The following ITSN1 variants were observed in gnomAD, a reference collection of about 807,000 sequenced individuals.
ITSN1 encodes intersectin 1.
In ITSN1, 58 loss-of-function variants were observed where a neutral mutation model predicts 239.8. The observed-to-expected ratio is 0.24, with a 90% confidence interval of 0.20 to 0.30. The LOEUF is 0.30. Among genes scored for constraint, ITSN1 ranks in the 10% least tolerant of loss-of-function variants. ITSN1 has a pLI of 1.00. For missense variants in ITSN1, 1,558 were observed against 2,103.3 expected (o/e 0.74, Z 5.07); for synonymous variants, 780 against 770.8 (o/e 1.01, Z -0.20).
Position 33,797,788 on chromosome 21 carries a change from C to T in ITSN1, c.2182+180C>T, listed in dbSNP as rs895868022. 1.3e-5 allele frequency among the ~76,000 whole-genome samples: 2 copies of T among 152,306 alleles called. No homozygotes were observed. The highest frequency in any genetic ancestry group is 2.1e-4 in the South Asian group (1 of 4,824). ...AGGGTCATTTGAGATCTGTGTAATT[C>T]TCCCACCACCATGCCAGCCTCTGGC... is the stretch of plus-strand genomic sequence containing the variant. On this transcript the variant is annotated intron_variant, in intron 18 of 39. Transcript: ENST00000381318. The surrounding 1 kb of genome is among the most constrained non-coding windows in gnomAD (Gnocchi z 4.9).
chr21:33,799,178 AT>A lies in ITSN1; in HGVS notation c.2183-626del, dbSNP rs1328580089. On this transcript the variant is annotated intron_variant, in intron 18 of 39. Coordinates refer to ENST00000381318, the MANE Select transcript of ITSN1 (RefSeq NM_003024.3). Reference sequence around the variant, plus strand: ...CCTCCGCTCATGTGCATTTTTAAACATTTTATTTCATGTAAAATCTAAATTA... The same window carrying A: ...CCTCCGCTCATGTGCATTTTTAAACATTTATTTCATGTAAAATCTAAATTA... Among the ~76,000 whole-genome samples, 4 of 152,200 alleles carry A rather than the reference AT, an allele frequency of 2.6e-5. No individual in the cohort carries two copies. In the East Asian group the frequency reaches 7.7e-4, roughly 29 times the overall value.
In ITSN1 at chr21:33,858,759, A is replaced by T; in HGVS notation, c.3857A>T (p.Lys1286Met). The change falls in exon 31 of 40, where the codon AAG becomes ATG. Residue 1286 changes from lysine (K) to methionine (M), a missense_variant. By Grantham distance (95) the Lys-to-Met change is moderately conservative. Around this residue, in one of 2 missense-constraint regions of ITSN1, gnomAD observed 576 missense variants for 893.3 expected, o/e 0.64. Coordinates refer to ENST00000381318, the MANE Select transcript of ITSN1 (RefSeq NM_003024.3). ...GTTGCTATGATTTTTGTGAACTGGA[A>T]GGAGCTGATTATGTGTAATATCAAA... ...KEVAMIFVNW[K>M]ELIMCNIKLL... The T allele has an allele frequency of 6.2e-7, 1 of 1,613,388 alleles. No individual in the cohort carries two copies. Among genetic ancestry groups the T allele is most frequent in the Non-Finnish European group, 8.5e-7 (1 of 1,179,328 alleles).
intron 1 of ITSN1, among the ~76,000 whole-genome samples, chr21:33,685,564 G>A (rs1446927416): frequency 1.3e-5 from 2 of 148,458 alleles, no homozygotes; most frequent in South Asian, 2.1e-4. Flanking sequence ...AAAACACTTA[G>A]AGGTGATCCT....
chr21:33,756,237 A>G (rs2067901999), intron 8 of ITSN1, among the ~76,000 whole-genome samples: 2 of 150,810 alleles, frequency 1.3e-5, no homozygotes, highest in South Asian at 4.2e-4. Flanking sequence ...GCAGTGAGTC[A>G]AGATCATGCC....
chr21:33,697,196 C>A (rs2091831625), intron 1 of ITSN1, among the ~76,000 whole-genome samples: 1 of 150,256 alleles, frequency 6.7e-6, no homozygotes, highest in African/African-American at 2.5e-5. Flanking sequence ...GATTCTCCTG[C>A]CTCAGCCTCC....
chr21:33,650,201 T>G (rs2088383291), intron 1 of ITSN1, among the ~76,000 whole-genome samples: 1 of 152,194 alleles, frequency 6.6e-6, no homozygotes, highest in African/African-American at 2.4e-5. Flanking sequence ...CTCCTTGCAT[T>G]ATGTCTGCAA....
At chr21:33,699,186 C>T (rs911858328) in intron 1 of ITSN1, among the ~76,000 whole-genome samples, 19 of 151,996 alleles carry the variant, frequency 1.3e-4, no homozygotes, top group African/African-American at 4.1e-4. Flanking sequence ...CATTTCTTTC[C>T]CCTCAATGTT....
intron 29 of ITSN1, among the ~76,000 whole-genome samples, chr21:33,849,966 G>A (rs1418584913): frequency 6.6e-6 from 1 of 152,222 alleles, no homozygotes; most frequent in Non-Finnish European, 1.5e-5. Context: ...CAGGAAGTCA[G>A]GGGTGGGACA....
At chr21:33,846,908 G>A (rs952697705) in intron 29 of ITSN1, among the ~76,000 whole-genome samples, 1 of 152,182 alleles carries the variant, frequency 6.6e-6, no homozygotes, top group Non-Finnish European at 1.5e-5. Context: ...CATAAGGATT[G>A]TTCTTCATCG....
rs943954344 is a variant in ITSN1, at chr21:33,781,888, T to G, written c.1685-106T>G. 7 of 1,175,900 alleles carry G rather than the reference T, an allele frequency of 6.0e-6. No individual in the cohort carries two copies. The South Asian group carries it at 7.8e-5, about 13-fold the overall frequency. The allele number at this position is 1,175,900 out of a possible 1,614,324, so 72.8% of individuals were successfully genotyped here. Reference sequence around the variant, plus strand: ...GCCACCGCACCCAGCCTTTTCTTATTTTTTAACCAGCAAGAATTTCCTTAA... The same window carrying G: ...GCCACCGCACCCAGCCTTTTCTTATGTTTTAACCAGCAAGAATTTCCTTAA... On this transcript the variant is annotated intron_variant, in intron 15 of 39. Coordinates refer to ENST00000381318, the MANE Select transcript of ITSN1 (RefSeq NM_003024.3).
intron 34 of ITSN1, among the ~76,000 whole-genome samples, chr21:33,881,406 C>CAA (rs1207634551): frequency 3.3e-4 from 25 of 74,966 alleles, no homozygotes; most frequent in East Asian, 2.0e-3. Context: ...GACTCTGTCT[C>CAA]AAAAAAAAAA....
At chr21:33,842,874 C>T (rs1429110241) in intron 29 of ITSN1, among the ~76,000 whole-genome samples, 1 of 152,126 alleles carries the variant, frequency 6.6e-6, no homozygotes, top group African/African-American at 2.4e-5. Flanking sequence ...CTGTTTCCCT[C>T]AGTGAGAGGA....
At chr21:33,671,743 G>C (rs1376196875) in intron 1 of ITSN1, among the ~76,000 whole-genome samples, 1 of 151,868 alleles carries the variant, frequency 6.6e-6, no homozygotes, top group Non-Finnish European at 1.5e-5. Context: ...AGTGAGCTGA[G>C]ATTGCGCCAT....
chr21:33,884,525 G>A (rs1004687943), intron 36 of ITSN1, among the ~76,000 whole-genome samples: 2 of 152,186 alleles, frequency 1.3e-5, no homozygotes, highest in Non-Finnish European at 2.9e-5. Context: ...TTTGCACCAA[G>A]CAAGAAAATT....
In ITSN1 at chr21:33,714,388, T is replaced by A. The variant is rs2092508025; in HGVS notation, c.-32-4409T>A. 2.0e-5 allele frequency among the ~76,000 whole-genome samples: 3 copies of A among 152,100 alleles called. No homozygotes were observed. In the South Asian group the frequency reaches 6.2e-4, roughly 31 times the overall value. On this transcript the variant is annotated intron_variant, in intron 1 of 39. Coordinates refer to ENST00000381318, the MANE Select transcript of ITSN1 (RefSeq NM_003024.3). ...GAGGTCAGAAGGGCCAGAAGGTAAA[T>A]GTAGTCTAATATTAGTCATAGTGAG...
At position 33,890,987 on chromosome 21, in the gene ITSN1, C is replaced by T. The variant is rs556803473; in HGVS notation, c.*2687C>T. On this transcript the variant is annotated 3_prime_UTR_variant, in exon 40 of 40. Transcript: ENST00000381318. ...GTTATGCTGTAACCCTCAGTCTTCC[C>T]TGAGAACTGAACTATCCTGGGACCT... 2.2e-4 allele frequency: 34 copies of T among 152,502 alleles called. No homozygotes were observed. Among genetic ancestry groups the T allele is most frequent in the African/African-American group, 8.2e-4 (34 of 41,588 alleles). 9.4% of individuals were successfully genotyped at this position (152,502 alleles called of 1,614,324 possible). A position where few individuals can be genotyped will look rare whatever the true frequency, so the allele number is the denominator to read the frequency against.
chr21:33,676,863 A>G (rs929108950), intron 1 of ITSN1, among the ~76,000 whole-genome samples: 9 of 152,092 alleles, frequency 5.9e-5, no homozygotes, highest in African/African-American at 1.9e-4. Flanking sequence ...ATCCTTTTCT[A>G]TGGCTGCATA....
intron 8 of ITSN1, among the ~76,000 whole-genome samples, chr21:33,758,322 C>T (rs919457983): frequency 4.6e-5 from 7 of 152,170 alleles, no homozygotes; most frequent in Non-Finnish European, 1.0e-4. Context: ...GCCATGTTCC[C>T]CAGGCTGGTC....
intron 29 of ITSN1, among the ~76,000 whole-genome samples, chr21:33,854,855 G>A (rs1041600536): frequency 6.6e-6 from 1 of 152,176 alleles, no homozygotes; most frequent in Non-Finnish European, 1.5e-5. Context: ...GGGACTCTGA[G>A]TGAGGTCGAG....
Sources: gnomAD v4.1 joint callset for allele counts (sites outside exome capture counted in the v4.1 genomes callset) on GRCh38, gnomAD v4.1.1 for gene constraint, gnomAD v4.1.1 regional missense constraint, Gnocchi (gnomAD v3.1) non-coding constraint, MANE v1.5 for transcripts, NCBI Gene and HGNC (gene_info 2026-07-23, HGNC 2026-07-21) for gene names.